GPR137B: variants seen among roughly 807,000 people sequenced by gnomAD.
GPR137B encodes integral membrane protein GPR137B.
Under a neutral mutation model 42.5 loss-of-function variants are expected in GPR137B, and 42 were observed. The observed-to-expected ratio is 0.99, with a 90% CI of 0.77 to 1.28. The LOEUF is 1.28. Among genes scored for constraint, GPR137B ranks in the 50% most tolerant of loss-of-function variants. The pLI, the probability that GPR137B is intolerant of heterozygous loss-of-function variation, is 0.00. For synonymous variants in GPR137B, 218 were observed against 209.7 expected (o/e 1.04, Z -0.34); for missense variants, 487 against 493.9 (o/e 0.99, Z 0.13).
At chr1:236,153,246 G>A (rs576779882) in intron 1 of GPR137B, among the ~76,000 whole-genome samples, 2 of 152,226 alleles carry the variant, frequency 1.3e-5, no homozygotes, top group South Asian at 4.1e-4. Flanking sequence ...CACCCCCAAA[G>A]GAAACTTTAT....
intron 2 of GPR137B, among the ~76,000 whole-genome samples, chr1:236,169,274 C>T (rs1250843942): frequency 6.6e-6 from 1 of 151,584 alleles, no homozygotes; most frequent in Non-Finnish European, 1.5e-5. Flanking sequence ...GGGCCTCGCC[C>T]CTGCAGCCTG....
At chr1:236,180,210 A>G in intron 4 of GPR137B, 182 bp downstream of exon 4, 1 of 571,962 alleles carries the variant, frequency 1.7e-6, no homozygotes, top group South Asian at 2.4e-5. Context: ...TCTCTAGATG[A>G]TTTACAATAC....
chr1:236,206,758 C>T lies in GPR137B; in HGVS notation c.1092-1292C>T, dbSNP rs79928916. 6.3e-3 allele frequency among the ~76,000 whole-genome samples: 957 copies of T among 152,308 alleles called. 13 individuals are homozygous for T. The highest frequency in any genetic ancestry group is 0.021 in the African/African-American group (874 of 41,566). The stretch of plus-strand genomic sequence containing the variant: ...ATTCCCTTCCCTTTTCCTCAGCCTG[C>T]TGTGCTCAGCCATACTCCACTACCC... On this transcript the variant is annotated intron_variant, in intron 6 of 6. Coordinates refer to ENST00000366592, the MANE Select transcript of GPR137B (RefSeq NM_003272.4).
chr1:236,207,945 T>C (rs559642051), intron 6 of GPR137B, 105 bp from the exon 7 acceptor site: 21 of 748,398 alleles, frequency 2.8e-5, no homozygotes, highest in African/African-American at 1.6e-4. Context: ...ACTTTAGAGT[T>C]ATCTATAGTT....
intron 4 of GPR137B, among the ~76,000 whole-genome samples, chr1:236,181,612 C>T (rs984919228): frequency 4.6e-5 from 7 of 152,160 alleles, no homozygotes; most frequent in Non-Finnish European, 7.3e-5. Context: ...TGGATTTAGA[C>T]AGTGGAAGAA....
chr1:236,208,393 A>T lies in GPR137B; in HGVS notation c.*235A>T, dbSNP rs12044057. ...GTATAATTTAAACTTTTTAAAGAAA[A>T]TCTGTACTTTTATAAAGATGTATTT... On this transcript the variant is annotated 3_prime_UTR_variant, in exon 7 of 7. Transcript: ENST00000366592. The T allele has an allele frequency of 1.1e-3, 1,189 of 1,111,996 alleles. 19 individuals carry two copies. The South Asian group carries it at 0.022, about 21-fold the overall frequency. The allele number at this position is 1,111,996 out of a possible 1,614,324, so 68.9% of individuals were successfully genotyped here. A position where few individuals can be genotyped will look rare whatever the true frequency, so the allele number is the denominator to read the frequency against.
At chr1:236,160,482 C>CA (rs1662155391) in intron 1 of GPR137B, among the ~76,000 whole-genome samples, 1 of 152,122 alleles carries the variant, frequency 6.6e-6, no homozygotes, top group African/African-American at 2.4e-5. Flanking sequence ...CTCAGCCCTC[C>CA]ACCCTTCCCT....
chr1:236,206,911 C>G (rs909689722), intron 6 of GPR137B, among the ~76,000 whole-genome samples: 1 of 152,254 alleles, frequency 6.6e-6, no homozygotes, highest in African/African-American at 2.4e-5. Flanking sequence ...CCTCTCAGGA[C>G]CCCCATCCTG....
rs141955403 is a variant in GPR137B at position 236,150,719 on chromosome 1, G to A, written c.414+7683G>A. 1.8e-4 allele frequency among the ~76,000 whole-genome samples: 28 copies of A among 152,322 alleles called. No individual in the cohort carries two copies. The East Asian group carries it at 3.9e-3, about 21-fold the overall frequency. ...GCTCCGAACACTGTGGCACCTGCAG[G>A]CTTTGCTACGGCTTCTTGCTCACCT... On this transcript the variant is annotated intron_variant, in intron 1 of 6. Transcript: ENST00000366592. This position sits in a 1 kb window ranked among gnomAD's most constrained non-coding sequence, Gnocchi z 6.2.
In GPR137B at chr1:236,183,761, C is replaced by A; in HGVS notation, c.838-17C>A. The A allele has an allele frequency of 6.3e-7, 1 of 1,589,792 alleles. No homozygotes were observed. The highest frequency in any genetic ancestry group is 1.1e-5 in the South Asian group (1 of 89,172). On this transcript the variant is annotated splice_polypyrimidine_tract_variant and intron_variant, in intron 4 of 6. Transcript: ENST00000366592. ...TCTTCCCTTGGTCTGATGACTCTCCCTGTCTGTTTCTAACAGGCAGATTTG... is the reference window on the plus strand; with the variant it reads ...TCTTCCCTTGGTCTGATGACTCTCCATGTCTGTTTCTAACAGGCAGATTTG...
chr1:236,173,254 G>A (rs1225067208), intron 2 of GPR137B, among the ~76,000 whole-genome samples: 2 of 148,264 alleles, frequency 1.3e-5, no homozygotes, highest in Non-Finnish European at 3.0e-5. Context: ...TTGCACTCCT[G>A]CTCTCCAGCC....
At chr1:236,167,388 C>T (rs1662392201) in intron 1 of GPR137B, among the ~76,000 whole-genome samples, 1 of 152,132 alleles carries the variant, frequency 6.6e-6, no homozygotes, top group Admixed American at 6.5e-5. Context: ...GAGGACACTA[C>T]GCTAAGTGAA....
At chr1:236,157,055 T>G (rs1662052634) in intron 1 of GPR137B, among the ~76,000 whole-genome samples, 1 of 152,052 alleles carries the variant, frequency 6.6e-6, no homozygotes, top group South Asian at 2.1e-4. Flanking sequence ...GCTCTACATG[T>G]CTATTAATTC....
rs915003015 is a variant in GPR137B at position 236,148,420 on chromosome 1, C to T, written c.414+5384C>T. ...AGACTCTCCAGATTCCCGAGTTTGGCAGGATGGAACAGGCTGGTTCAGCTT... is the reference window on the plus strand; with the variant it reads ...AGACTCTCCAGATTCCCGAGTTTGGTAGGATGGAACAGGCTGGTTCAGCTT... On this transcript the variant is annotated intron_variant, in intron 1 of 6. Transcript: ENST00000366592. Among the ~76,000 whole-genome samples, 111 of 152,268 alleles carry T rather than the reference C, an allele frequency of 7.3e-4. 1 individual carries two copies. The highest frequency in any genetic ancestry group is 2.6e-3 in the African/African-American group (107 of 41,550).
Position 236,208,032 on chromosome 1 carries a change from TA to T in GPR137B, c.1092-17del, listed in dbSNP as rs770839141. 7.4e-5 allele frequency: 117 copies of T among 1,573,632 alleles called. No homozygotes were observed. The highest frequency in any genetic ancestry group is 9.4e-5 in the Non-Finnish European group (108 of 1,144,508). On this transcript the variant is annotated splice_polypyrimidine_tract_variant and intron_variant, in intron 6 of 6. Coordinates refer to ENST00000366592, the MANE Select transcript of GPR137B (RefSeq NM_003272.4). ...TATATAATGTTTCAAGTCACTGAAA[TA>T]TTTTTTTCTTTTTAAGTTTTGCTCC...
At chr1:236,189,977 C>T (rs1486485397) in intron 5 of GPR137B, among the ~76,000 whole-genome samples, 1 of 152,080 alleles carries the variant, frequency 6.6e-6, no homozygotes, top group Non-Finnish European at 1.5e-5. Flanking sequence ...TAAGAACTTG[C>T]TTTATGAATC....
At chr1:236,154,164 C>A (rs1661946652) in intron 1 of GPR137B, among the ~76,000 whole-genome samples, 1 of 152,196 alleles carries the variant, frequency 6.6e-6, no homozygotes, top group Non-Finnish European at 1.5e-5. Flanking sequence ...TGGAAGCCCC[C>A]AGACTCCGTG....
intron 1 of GPR137B, among the ~76,000 whole-genome samples, chr1:236,152,988 G>A (rs910253329): frequency 4.6e-5 from 7 of 151,452 alleles, no homozygotes; most frequent in African/African-American, 7.3e-5. Context: ...CCTGGGAGGC[G>A]GAGGATGCAG....
intron 5 of GPR137B, among the ~76,000 whole-genome samples, chr1:236,201,679 G>T (rs2463194): frequency 0.58 from 87,473 of 151,840 alleles, 28,505 homozygotes; most frequent in African/African-American, 0.87. Flanking sequence ...TTAAAAAAGA[G>T]TACTTAAGTT....
Sources: gnomAD v4.1 joint callset for allele counts (sites outside exome capture counted in the v4.1 genomes callset) on GRCh38, gnomAD v4.1.1 for gene constraint, Gnocchi (gnomAD v3.1) non-coding constraint, MANE v1.5 for transcripts, NCBI Gene and HGNC (gene_info 2026-07-23, HGNC 2026-07-21) for gene names.